Variants in TMPRSS15 observed in about 807,000 individuals in gnomAD.
TMPRSS15 encodes the protein transmembrane serine protease 15.
Under a neutral mutation model 125.3 loss-of-function variants are expected in TMPRSS15, and 128 were observed. That is an observed-to-expected ratio of 1.02 (90% CI 0.89 to 1.18). TMPRSS15 has a LOEUF of 1.18. TMPRSS15 is among the 50% of genes most tolerant of loss of function. The probability of loss-of-function intolerance (pLI) is 0.00; values close to 1 mark genes in which losing one functional copy is unlikely to be tolerated. For missense variants in TMPRSS15, 1,283 were observed against 1,212.7 expected, an observed-to-expected ratio of 1.06 and a Z score of -0.86; for synonymous variants, 446 against 423.2, an observed-to-expected ratio of 1.05 and a Z score of -0.66.
intron 1 of TMPRSS15, among the ~76,000 whole-genome samples, chr21:18,423,205 C>A (rs1345203848): frequency 6.6e-6 from 1 of 152,116 alleles, no homozygotes; most frequent in Non-Finnish European, 1.5e-5. Flanking sequence ...TTCTTTAGGT[C>A]CAGATTTTAT....
chr21:18,440,306 G>T (rs1419759439), intron 1 of TMPRSS15, among the ~76,000 whole-genome samples: 1 of 138,088 alleles, frequency 7.2e-6, no homozygotes, highest in Non-Finnish European at 1.5e-5. Context: ...CCGGGAGGCG[G>T]AGCTTGCAGT....
chr21:18,404,594 A>G (rs1251239145), upstream of TMPRSS15, among the ~76,000 whole-genome samples: 1 of 152,164 alleles, frequency 6.6e-6, no homozygotes, highest in Non-Finnish European at 1.5e-5. Context: ...TGATGAGTTC[A>G]GGAACTTTAA....
chr21:18,462,712 TA>T (rs1978574034), intron 1 of TMPRSS15, among the ~76,000 whole-genome samples: 1 of 151,972 alleles, frequency 6.6e-6, no homozygotes, highest in Non-Finnish European at 1.5e-5. Context: ...ATTGCTTGCC[TA>T]AAGAGTTTGG....
At chr21:18,365,109 T>A in intron 7 of TMPRSS15, 31 bp downstream of exon 7, 1 of 1,579,716 alleles carries the variant, frequency 6.3e-7, no homozygotes. Context: ...CTTTATGACT[T>A]AAGAACAGAA....
intron 16 of TMPRSS15, among the ~76,000 whole-genome samples, chr21:18,316,012 A>AAAG (rs904649618): frequency 8.1e-5 from 8 of 99,200 alleles, no homozygotes; most frequent in Non-Finnish European, 3.8e-5. Context: ...CCTAGAACTT[A>AAAG]AAGTATAATA....
At chr21:18,294,494 T>C (rs2074878447) in intron 20 of TMPRSS15, 50 bp from the exon 21 acceptor site, 2 of 1,611,438 alleles carry the variant, frequency 1.2e-6, no homozygotes, top group African/African-American at 1.3e-5. Context: ...TGGCATTTCT[T>C]CTGATGGTGA....
At position 18,377,316 on chromosome 21, in the gene TMPRSS15, G is replaced by A. The variant is rs116409926; in HGVS notation, c.532+1967C>T. Among the ~76,000 whole-genome samples, 1,499 of 152,182 alleles carry A rather than the reference G, an allele frequency of 9.9e-3. 32 individuals are homozygous for A. The highest frequency in any genetic ancestry group is 0.033 in the African/African-American group (1,367 of 41,522). The stretch of plus-strand genomic sequence containing the variant: ...GAGCATTACCCAGTATAATAATCGT[G>A]TTTTAAATTTAGGGTTTTTTATGAA... On this transcript the variant is annotated intron_variant, in intron 5 of 24. Transcript: ENST00000284885.
chr21:18,272,569 C>T (rs1250594217), intron 24 of TMPRSS15, among the ~76,000 whole-genome samples: 4 of 151,654 alleles, frequency 2.6e-5, no homozygotes, highest in Non-Finnish European at 4.4e-5. Flanking sequence ...ACTAAAAATA[C>T]AAAAAATTAG....
At chr21:18,421,679 C>A (rs1319005209) in intron 1 of TMPRSS15, among the ~76,000 whole-genome samples, 1 of 152,122 alleles carries the variant, frequency 6.6e-6, no homozygotes, top group African/African-American at 2.4e-5. Flanking sequence ...GGATTGTACT[C>A]TGTCTTTTGA....
chr21:18,403,724 C>A lies in TMPRSS15; in HGVS notation c.-102G>T, dbSNP rs2076119268. On this transcript the variant is annotated 5_prime_UTR_variant, in exon 1 of 25. Coordinates refer to ENST00000284885, the MANE Select transcript of TMPRSS15 (RefSeq NM_002772.3). ...CTCAAATTTTTAAAGATGTGTAAAG[C>A]AACAACCACCTGTCTACATGCATAC... is the stretch of plus-strand genomic sequence containing the variant. 1 of 1,443,556 alleles carries A rather than the reference C, an allele frequency of 6.9e-7. No homozygotes were observed. The highest frequency in any genetic ancestry group is 1.8e-5 in the Admixed American group (1 of 55,100). 89.4% of individuals were successfully genotyped at this position (1,443,556 alleles called of 1,614,324 possible). A position where few individuals can be genotyped will look rare whatever the true frequency, so the allele number is the denominator to read the frequency against.
intron 1 of TMPRSS15, among the ~76,000 whole-genome samples, chr21:18,478,674 T>C (rs1039579382): frequency 2.0e-5 from 3 of 151,980 alleles, no homozygotes; most frequent in African/African-American, 7.2e-5. Context: ...AGTCTTCGCT[T>C]GTTTCCTTGT....
At chr21:18,467,908 G>T (rs186193840) in intron 1 of TMPRSS15, among the ~76,000 whole-genome samples, 5 of 152,182 alleles carry the variant, frequency 3.3e-5, no homozygotes, top group Admixed American at 3.3e-4. Flanking sequence ...GTCAAAAAGT[G>T]TATTTGTGTA....
chr21:18,426,801 CG>C (rs2076203498), intron 1 of TMPRSS15, among the ~76,000 whole-genome samples: 2 of 152,014 alleles, frequency 1.3e-5, no homozygotes, highest in South Asian at 2.1e-4. Flanking sequence ...TGTTGCCAAA[CG>C]GTTTGTCAAT....
intron 1 of TMPRSS15, among the ~76,000 whole-genome samples, chr21:18,476,164 T>C (rs770132048): frequency 6.6e-6 from 1 of 152,174 alleles, no homozygotes; most frequent in Non-Finnish European, 1.5e-5. Context: ...AACTATTTTA[T>C]CTGAATCATA....
intron 1 of TMPRSS15, among the ~76,000 whole-genome samples, chr21:18,433,340 G>A (rs1469989507): frequency 6.6e-6 from 1 of 152,078 alleles, no homozygotes; most frequent in African/African-American, 2.4e-5. Context: ...TGAAAATAAA[G>A]GAGCAGGAAA....
At chr21:18,340,940 T>C (rs2075439834) in intron 13 of TMPRSS15, among the ~76,000 whole-genome samples, 1 of 152,244 alleles carries the variant, frequency 6.6e-6, no homozygotes, top group Non-Finnish European at 1.5e-5. Context: ...TAACATGTAA[T>C]ATTTTGCTAG....
At chr21:18,396,792 A>AAATCTGGCTG (rs1408156983) in intron 3 of TMPRSS15, among the ~76,000 whole-genome samples, 1 of 112,792 alleles carries the variant, frequency 8.9e-6, no homozygotes, top group Non-Finnish European at 1.8e-5. Flanking sequence ...AAAAAAAAAA[A>AAATCTGGCTG]TCTGTCTGTC....
At chr21:18,343,209 C>T (rs996928912) in intron 12 of TMPRSS15, among the ~76,000 whole-genome samples, 3 of 152,102 alleles carry the variant, frequency 2.0e-5, no homozygotes, top group Non-Finnish European at 2.9e-5. Context: ...AATGGTTGGC[C>T]TATGCTAGAA....
At chr21:18,362,283 G>T (rs2075685762) in intron 7 of TMPRSS15, among the ~76,000 whole-genome samples, 1 of 152,180 alleles carries the variant, frequency 6.6e-6, no homozygotes, top group Admixed American at 6.5e-5. Context: ...AGAGATGGAA[G>T]AAAGAGGCAG....
Sources: allele counts gnomAD v4.1 joint callset (sites outside exome capture counted in the v4.1 genomes callset), GRCh38; gene constraint gnomAD v4.1.1; transcripts MANE v1.5; gene names NCBI Gene and HGNC (gene_info 2026-07-23, HGNC 2026-07-21).